Variants in SNX6 observed in about 807,000 individuals in gnomAD.
The protein encoded by SNX6 is sorting nexin 6, also known as sorting nexin-6.
SNX6 carries 34 observed loss-of-function variants against 63.0 expected under a neutral mutation model. The ratio of observed to expected loss-of-function variants is 0.54; its 90% CI spans 0.41 to 0.72. The LOEUF (loss-of-function observed/expected upper bound fraction) is 0.72, where lower values mean the gene tolerates loss of function less well. SNX6 is among the 30% of genes least tolerant of loss of function. SNX6 has a pLI of 0.00. For synonymous variants in SNX6, 170 were observed against 164.2 expected, an observed-to-expected ratio of 1.04 and a Z score of -0.27; for missense variants, 398 against 471.4, an observed-to-expected ratio of 0.84 and a Z score of 1.44.
chr14:34,597,030 G>C (rs938281961), intron 7 of SNX6, among the ~76,000 whole-genome samples: 2 of 152,136 alleles, frequency 1.3e-5, no homozygotes, highest in African/African-American at 4.8e-5. Flanking sequence ...CATTTCCAAG[G>C]CTAAATGTTA....
chr14:34,594,353 A>C (rs1882518632), intron 7 of SNX6, among the ~76,000 whole-genome samples: 2 of 151,068 alleles, frequency 1.3e-5, no homozygotes, highest in South Asian at 4.2e-4. Flanking sequence ...TTAAAAATAA[A>C]AATTATTATT....
At chr14:34,571,586 C>A (rs1881455489) in intron 11 of SNX6, among the ~76,000 whole-genome samples, 1 of 152,148 alleles carries the variant, frequency 6.6e-6, no homozygotes, top group South Asian at 2.1e-4. Flanking sequence ...GTAAAAAGAT[C>A]AGTGGCTGCC....
intron 9 of SNX6, among the ~76,000 whole-genome samples, chr14:34,585,525 A>T (rs752342543): frequency 3.2e-4 from 48 of 152,280 alleles, no homozygotes; most frequent in Middle Eastern, 6.8e-3. Context: ...GTTTCAAAAC[A>T]AAAACTAAAA....
intron 9 of SNX6, 73 bp downstream of exon 9, chr14:34,586,157 T>A: frequency 2.3e-6 from 2 of 880,434 alleles, no homozygotes; most frequent in South Asian, 1.4e-5. Flanking sequence ...CACCTTCGCC[T>A]CCCAAAGTGC....
intron 13 of SNX6, among the ~76,000 whole-genome samples, chr14:34,565,289 G>A (rs1042801054): frequency 6.6e-6 from 1 of 152,042 alleles, no homozygotes; most frequent in African/African-American, 2.4e-5. Flanking sequence ...GTGGTAGCCA[G>A]GATGGTCTCG....
intron 2 of SNX6, among the ~76,000 whole-genome samples, chr14:34,610,291 G>C (rs538298903): frequency 1.4e-5 from 2 of 139,748 alleles, no homozygotes; most frequent in African/African-American, 5.3e-5. Flanking sequence ...CTAGGTCAAG[G>C]CTACAGTAAG....
chr14:34,616,297 A>T (rs1179122561), intron 2 of SNX6, among the ~76,000 whole-genome samples: 1 of 152,060 alleles, frequency 6.6e-6, no homozygotes, highest in Non-Finnish European at 1.5e-5. Context: ...TTAACTAGCA[A>T]CATTTTTTTT....
intron 8 of SNX6, among the ~76,000 whole-genome samples, chr14:34,589,596 T>C (rs890100015): frequency 6.6e-6 from 1 of 151,790 alleles, no homozygotes; most frequent in African/African-American, 2.4e-5. Flanking sequence ...GAGGCTGAGG[T>C]GGGCGGATCA....
intron 2 of SNX6, among the ~76,000 whole-genome samples, chr14:34,611,825 C>T (rs920177410): frequency 6.7e-6 from 1 of 149,958 alleles, no homozygotes; most frequent in Non-Finnish European, 1.5e-5. Flanking sequence ...GTCACCCAGA[C>T]TGGAGTGCAG....
chr14:34,572,764 T>G (rs1329925615), intron 11 of SNX6, among the ~76,000 whole-genome samples: 1 of 152,004 alleles, frequency 6.6e-6, no homozygotes, highest in Non-Finnish European at 1.5e-5. Flanking sequence ...CACTGCAAGC[T>G]CCGCCTCCTG....
rs768024284 is a variant in SNX6, at chr14:34,605,682, A to C, written c.306T>G (p.Ala102=). The change falls in exon 5 of 14, where the codon GCT becomes GCG. Residue 102 remains alanine, a synonymous_variant. Coordinates refer to ENST00000362031, the MANE Select transcript of SNX6 (RefSeq NM_152233.4). ...PPAPPRPDFD[A]SREKLQKLGE... is the part of the protein sequence containing the mutation. ...CAAGCTTCTGTAGTTTTTCCCTTGA[A>C]GCATCAAAATCAGGTCTTGGTGGTG... 2 of 1,610,770 alleles carry C rather than the reference A, an allele frequency of 1.2e-6. No homozygotes were observed. The highest frequency in any genetic ancestry group is 4.5e-5 in the East Asian group (2 of 44,764).
chr14:34,581,510 C>A (rs537017685), intron 10 of SNX6, 51 bp downstream of exon 10: 2 of 1,036,602 alleles, frequency 1.9e-6, no homozygotes, highest in Admixed American at 4.4e-5. Flanking sequence ...TTAACATGAG[C>A]TCTCTCTGGG....
rs111790477 is a variant in SNX6, at chr14:34,574,267, C to T, written c.921+1489G>A. ...AGGAGAATCACTTGAAGCCGGGAGG[C>T]GGAGGTTGCAGTGAGCTGCAATCAT... On this transcript the variant is annotated intron_variant, in intron 11 of 13. Transcript: ENST00000362031. Among the ~76,000 whole-genome samples the T allele has an allele frequency of 6.4e-3, 934 of 146,872 alleles. 8 individuals carry two copies. The highest frequency in any genetic ancestry group is 0.022 in the African/African-American group (865 of 39,468).
chr14:34,613,287 C>T (rs1883301286), intron 2 of SNX6, among the ~76,000 whole-genome samples: 2 of 152,216 alleles, frequency 1.3e-5, no homozygotes, highest in Non-Finnish European at 2.9e-5. Context: ...TGATTTCTGA[C>T]TTCTGGCCTT....
intron 11 of SNX6, among the ~76,000 whole-genome samples, chr14:34,569,330 T>G (rs1159609632): frequency 6.6e-6 from 1 of 152,314 alleles, no homozygotes; most frequent in South Asian, 2.1e-4. Context: ...CCCATGCCCA[T>G]TAACAGCCAC....
intron 7 of SNX6, among the ~76,000 whole-genome samples, chr14:34,597,238 A>T (rs2138330056): frequency 6.6e-6 from 1 of 152,332 alleles, no homozygotes; most frequent in Admixed American, 6.5e-5. Context: ...TTGCCCATAT[A>T]GGAACTGCAA....
At chr14:34,616,658 G>T (rs1209622033) in intron 2 of SNX6, among the ~76,000 whole-genome samples, 2 of 152,118 alleles carry the variant, frequency 1.3e-5, no homozygotes, top group Non-Finnish European at 2.9e-5. Context: ...GAGATTTAGT[G>T]TTCATTACAT....
chr14:34,622,901 G>C (rs556137306), intron 2 of SNX6, among the ~76,000 whole-genome samples: 1 of 152,304 alleles, frequency 6.6e-6, no homozygotes, highest in African/African-American at 2.4e-5. Context: ...TATTTCATAG[G>C]GATTTGAGAA....
intron 2 of SNX6, chr14:34,629,670 C>T (rs932611561): frequency 1.1e-5 from 8 of 720,156 alleles, no homozygotes; most frequent in East Asian, 5.5e-5. Flanking sequence ...CACCAGAAGG[C>T]CCGAACAGCG....
Sources: allele counts gnomAD v4.1 joint callset (sites outside exome capture counted in the v4.1 genomes callset), GRCh38; gene constraint gnomAD v4.1.1; transcripts MANE v1.5; gene names NCBI Gene and HGNC (gene_info 2026-07-23, HGNC 2026-07-21).